Variants in CCDC60 observed in about 807,000 individuals in gnomAD.
CCDC60 encodes the protein coiled-coil domain-containing protein 60.
Under a neutral mutation model 63.5 loss-of-function variants are expected in CCDC60, and 54 were observed. The ratio of observed to expected loss-of-function variants is 0.85; its 90% CI spans 0.68 to 1.07. CCDC60 has a LOEUF of 1.07. CCDC60 is among the 50% of genes least tolerant of loss of function. The pLI, the probability that CCDC60 is intolerant of heterozygous loss-of-function variation, is 0.00. For missense variants in CCDC60, 651 were observed against 684.3 expected, an observed-to-expected ratio of 0.95 and a Z score of 0.54; for synonymous variants, 206 against 238.8, an observed-to-expected ratio of 0.86 and a Z score of 1.27.
chr12:119,402,937 A>G (rs936896745), intron 1 of CCDC60, among the ~76,000 whole-genome samples: 1 of 152,238 alleles, frequency 6.6e-6, no homozygotes, highest in African/African-American at 2.4e-5. Flanking sequence ...TGGCCTACGC[A>G]AAAGAGAAAA....
At chr12:119,362,363 G>T (rs1475213866) in intron 1 of CCDC60, among the ~76,000 whole-genome samples, 1 of 152,052 alleles carries the variant, frequency 6.6e-6, no homozygotes, top group Non-Finnish European at 1.5e-5. Flanking sequence ...CATTCCAGAA[G>T]ATTCTCTCAT....
At chr12:119,472,229 C>A in intron 3 of CCDC60, 65 bp downstream of exon 3, 1 of 1,492,150 alleles carries the variant, frequency 6.7e-7, no homozygotes, top group Non-Finnish European at 9.2e-7. Context: ...TGAACCCTGC[C>A]TGGTAAGGTC....
chr12:119,525,796 A>C (rs966385496), intron 11 of CCDC60, among the ~76,000 whole-genome samples: 13 of 152,252 alleles, frequency 8.5e-5, no homozygotes, highest in African/African-American at 1.9e-4. Flanking sequence ...TCCCATGCTC[A>C]TGAGTAGGAA....
intron 4 of CCDC60, chr12:119,479,468 T>C: frequency 2.4e-6 from 1 of 421,400 alleles, no homozygotes; most frequent in South Asian, 2.5e-5. Context: ...TTGCAAAGCC[T>C]GATAAAATCT....
At chr12:119,453,693 C>G (rs180843338) in intron 2 of CCDC60, among the ~76,000 whole-genome samples, 1 of 152,182 alleles carries the variant, frequency 6.6e-6, no homozygotes, top group East Asian at 1.9e-4. Flanking sequence ...TACAGCCAAA[C>G]CACCATCCTG....
rs1192475048 is a variant in CCDC60, at chr12:119,429,528, G to A, written c.170+766G>A. On this transcript the variant is annotated intron_variant, in intron 2 of 13. Transcript: ENST00000327554. ...ATGTGTGCTGAGAGGGGTAATCTAG[G>A]TAGCGGGGAAGTTCTATTGATCTTA... is the stretch of plus-strand genomic sequence containing the variant. 2 of 152,198 alleles carry A rather than the reference G, an allele frequency of 1.3e-5. 1 individual carries two copies. Among genetic ancestry groups the A allele is most frequent in the Non-Finnish European group, 2.9e-5 (2 of 68,044 alleles). 9.4% of individuals were successfully genotyped at this position (152,198 alleles called of 1,614,324 possible).
At chr12:119,419,705 TTC>T (rs904727364) in intron 1 of CCDC60, among the ~76,000 whole-genome samples, 2 of 151,998 alleles carry the variant, frequency 1.3e-5, no homozygotes, top group Non-Finnish European at 2.9e-5. Flanking sequence ...CCTTCTCCTC[TTC>T]TTCCCAGAGG....
At chr12:119,451,113 T>C (rs1488743442) in intron 2 of CCDC60, among the ~76,000 whole-genome samples, 2 of 152,126 alleles carry the variant, frequency 1.3e-5, no homozygotes, top group Non-Finnish European at 2.9e-5. Context: ...GGCAGAGTCC[T>C]GAAACAAAGC....
At chr12:119,341,888 G>A (rs1354257983) in intron 1 of CCDC60, among the ~76,000 whole-genome samples, 2 of 152,166 alleles carry the variant, frequency 1.3e-5, no homozygotes, top group African/African-American at 4.8e-5. Flanking sequence ...GTGCTCCTGA[G>A]CATGGTTTGA....
chr12:119,367,107 A>G (rs1283110179), intron 1 of CCDC60, among the ~76,000 whole-genome samples: 1 of 152,178 alleles, frequency 6.6e-6, no homozygotes, highest in Admixed American at 6.5e-5. Context: ...TGCTGGGATT[A>G]CAGGCGTGAG....
At chr12:119,540,347 G>C (rs1291587603) in intron 13 of CCDC60, among the ~76,000 whole-genome samples, 1 of 152,194 alleles carries the variant, frequency 6.6e-6, no homozygotes, top group Non-Finnish European at 1.5e-5. Context: ...GCAGATAGCT[G>C]GGACTTCCTG....
intron 4 of CCDC60, among the ~76,000 whole-genome samples, chr12:119,482,492 A>T (rs1050436552): frequency 1.3e-5 from 2 of 152,224 alleles, no homozygotes; most frequent in Middle Eastern, 3.4e-3. Context: ...CAGCATGAAA[A>T]CTACAACAAT....
chr12:119,335,404 C>G (rs1239243022), intron 1 of CCDC60, 138 bp downstream of exon 1: 2 of 565,470 alleles, frequency 3.5e-6, no homozygotes, highest in Non-Finnish European at 6.2e-6. Context: ...AACTAGTTTA[C>G]AGTCCCACCA....
chr12:119,511,525 T>C (rs1952214299), intron 7 of CCDC60, among the ~76,000 whole-genome samples: 1 of 152,174 alleles, frequency 6.6e-6, no homozygotes, highest in African/African-American at 2.4e-5. Context: ...ATGAGTCCTA[T>C]GCCATCTCAT....
At chr12:119,409,016 A>G (rs1008578174) in intron 1 of CCDC60, among the ~76,000 whole-genome samples, 2 of 152,260 alleles carry the variant, frequency 1.3e-5, no homozygotes, top group African/African-American at 4.8e-5. Context: ...ACATTGCATC[A>G]CTTTTGCCAT....
chr12:119,485,760 G>A (rs1424931342), intron 4 of CCDC60, among the ~76,000 whole-genome samples: 2 of 152,114 alleles, frequency 1.3e-5, no homozygotes, highest in Non-Finnish European at 2.9e-5. Flanking sequence ...ACAGAGGTTC[G>A]AATTTCAACA....
intron 1 of CCDC60, among the ~76,000 whole-genome samples, chr12:119,412,763 A>ACCCCCCCCCC (rs150785942): frequency 1.7e-4 from 15 of 88,010 alleles, no homozygotes; most frequent in African/African-American, 2.7e-4. Flanking sequence ...AAAGCCCCCC[A>ACCCCCCCCCC]CCCCCCCCCA....
chr12:119,528,726 A>C lies in CCDC60; in HGVS notation c.1341A>C (p.Ala447=). 3.1e-6 allele frequency: 5 copies of C among 1,613,918 alleles called. No individual in the cohort carries two copies. Among genetic ancestry groups the C allele is most frequent in the Non-Finnish European group, 1.7e-6 (2 of 1,179,892 alleles). Residue 447 remains alanine (A), a synonymous_variant, in exon 12 of 14, where the codon GCA becomes GCC. Transcript: ENST00000327554. The part of the protein sequence containing the change: ...RHHISVVKGD[A]EEIADHWYFD... ...ACATATCTGTAGTAAAAGGAGATGC[A>C]GAAGAAATTGCAGACCACTGGTAAA...
intron 1 of CCDC60, among the ~76,000 whole-genome samples, chr12:119,391,552 C>T (rs1956158695): frequency 1.3e-5 from 2 of 152,198 alleles, no homozygotes; most frequent in Non-Finnish European, 2.9e-5. Context: ...TGCACAATGA[C>T]AGCAATAATA....
Sources: gnomAD v4.1 joint callset for allele counts (sites outside exome capture counted in the v4.1 genomes callset) on GRCh38, gnomAD v4.1.1 for gene constraint, MANE v1.5 for transcripts, NCBI Gene and HGNC (gene_info 2026-07-23, HGNC 2026-07-21) for gene names.